Variants in ZNF219 observed in about 807,000 individuals in gnomAD.
The protein encoded by ZNF219 is zinc finger protein 219.
Under a neutral mutation model 54.4 loss-of-function variants are expected in ZNF219, and 17 were observed. The ratio of observed to expected loss-of-function variants is 0.31; its 90% CI spans 0.21 to 0.47. The LOEUF is 0.47. Among genes scored for constraint, ZNF219 ranks in the 20% least tolerant of loss-of-function variants. The pLI, the probability that ZNF219 is intolerant of heterozygous loss-of-function variation, is 1.00. For missense variants in ZNF219, 1,014 were observed against 1,062.3 expected (o/e 0.95, Z 0.63); for synonymous variants, 518 against 476.4 (o/e 1.09, Z -1.14).
chr14:21,100,798 G>A (rs1889585271), upstream of ZNF219, among the ~76,000 whole-genome samples: 2 of 152,136 alleles, frequency 1.3e-5, no homozygotes, highest in South Asian at 2.1e-4. Flanking sequence ...TCTAGGGAAG[G>A]GCACATAATT....
rs764659972 is a variant in ZNF219 at position 21,093,593 on chromosome 14, G to A, written c.-2C>T. 3 of 1,614,100 alleles carry A rather than the reference G, an allele frequency of 1.9e-6. No individual in the cohort carries two copies. In the East Asian group the frequency reaches 6.7e-5, roughly 36 times the overall value. ...AGCCAGAGCTTCACTCACCTCCATG[G>A]ACCCCCTTCACATTCTTTGGTTCTG... On this transcript the variant is annotated 5_prime_UTR_variant, in exon 2 of 5. Transcript: ENST00000360947.
At chr14:21,093,721 A>G (rs1260328824) in intron 1 of ZNF219, 47 bp from the exon 2 acceptor site, 4 of 1,554,474 alleles carry the variant, frequency 2.6e-6, no homozygotes, top group Admixed American at 1.8e-5. Context: ...CCTAGTTTTC[A>G]GCAGTAAAGT....
exon 1 of ZNF219, chr14:21,104,546 C>T (rs1889835925): frequency 6.6e-6 from 1 of 152,264 alleles, no homozygotes. Flanking sequence ...GGCTGTTCGC[C>T]TCACACTCAT....
chr14:21,091,057 G>A lies in ZNF219; in HGVS notation c.1648C>T (p.Arg550Trp), dbSNP rs773461871. ...SLKYHLQRHH[R>W]EQRSGAGPGP... is the part of the protein sequence containing the mutation. ...GGGCCGGCCCCGCTCCTCTGCTCCCGGTGGTGGCGCTGTAGGTGATACTTG... is the reference window on the plus strand; with the variant it reads ...GGGCCGGCCCCGCTCCTCTGCTCCCAGTGGTGGCGCTGTAGGTGATACTTG... Residue 550 changes from arginine to tryptophan, a missense_variant, in exon 5 of 5, where the codon CGG becomes TGG. Physicochemically the swap from Arg to Trp is moderately radical, Grantham distance 101. Around this residue, in one of 5 missense-constraint regions of ZNF219, gnomAD observed 281 missense variants for 271.2 expected, o/e 1.04. Coordinates refer to ENST00000360947, the MANE Select transcript of ZNF219 (RefSeq NM_016423.3). 1.9e-5 allele frequency: 30 copies of A among 1,562,358 alleles called. No individual in the cohort carries two copies. The highest frequency in any genetic ancestry group is 2.4e-5 in the Non-Finnish European group (28 of 1,159,634).
At chr14:21,098,934 A>G, upstream of ZNF219, 1 of 1,064,484 alleles carries the variant, frequency 9.4e-7, no homozygotes, top group East Asian at 7.2e-5. Flanking sequence ...GGGGAGGAGG[A>G]GGGGCGATTA....
At position 21,090,652 on chromosome 14, in the gene ZNF219, G is replaced by A. The variant is rs1267692058; in HGVS notation, c.2053C>T (p.Pro685Ser). The A allele has an allele frequency of 6.2e-7, 1 of 1,612,548 alleles. No individual in the cohort carries two copies. The highest frequency in any genetic ancestry group is 1.1e-5 in the South Asian group (1 of 91,062). Residue 685 changes from proline to serine, a missense_variant, in exon 5 of 5, where the codon CCG becomes TCG. Pro to Ser is a moderately conservative substitution (Grantham distance 74). Transcript: ENST00000360947. The surrounding 1 kb of genome is among the most constrained non-coding windows in gnomAD (Gnocchi z 4.4). ...CCTGATGGTACTCGGGCATAGGGCG[G>A]GGACGCGTCAGCCTGGGGTGGCCGG... ...GRRPPQADAS[P>S]PYARVPSGET...
At chr14:21,102,288 C>A, upstream of ZNF219, 4 of 1,419,728 alleles carry the variant, frequency 2.8e-6, no homozygotes, top group Non-Finnish European at 3.8e-6. Context: ...GGGCTTATGG[C>A]CCTGTTTGGA....
rs1331086266 is a variant in ZNF219 at position 21,098,569 on chromosome 14, G to A, written c.-341C>T. The A allele has an allele frequency of 3.0e-6, 3 of 992,008 alleles. No homozygotes were observed. Among genetic ancestry groups the A allele is most frequent in the Non-Finnish European group, 3.6e-6 (3 of 834,182 alleles). 61.5% of individuals were successfully genotyped at this position (992,008 alleles called of 1,614,324 possible). On this transcript the variant is annotated 5_prime_UTR_variant, in exon 1 of 5. Transcript: ENST00000360947. Reference sequence around the variant, plus strand: ...CGGGGCTGGGAGCCGCGCGGGAGCCGGGCTCTGGCTCCGGGGACAGGGAGC... The same window carrying A: ...CGGGGCTGGGAGCCGCGCGGGAGCCAGGCTCTGGCTCCGGGGACAGGGAGC...
intron 1 of ZNF219, among the ~76,000 whole-genome samples, chr14:21,094,926 T>G (rs1889210548): frequency 1.0e-5 from 1 of 95,292 alleles, no homozygotes; most frequent in Non-Finnish European, 2.2e-5. Flanking sequence ...TTTTTTTTTT[T>G]GTCTAAGAAA....
rs761819179 is a variant in ZNF219, at chr14:21,092,864, C to G, written c.433G>C (p.Ala145Pro). Residue 145 changes from alanine to proline, a missense_variant, in exon 3 of 5, where the codon GCC (alanine) becomes CCC (proline). By Grantham distance (27) the Ala-to-Pro change is conservative. This residue lies in a region of ZNF219 where 395 missense variants were observed against 415.1 expected (regional missense o/e 0.95). Coordinates refer to ENST00000360947, the MANE Select transcript of ZNF219 (RefSeq NM_016423.3). ...GRARSSGGMQ[A>P]TPATEGLARP... ...GCCAGACCCTCAGTGGCAGGGGTGG[C>G]CTGCATGCCCCCTGAGCTTCGGGCT... is the stretch of plus-strand genomic sequence containing the variant. 4 of 1,551,876 alleles carry G rather than the reference C, an allele frequency of 2.6e-6. No individual in the cohort carries two copies. The highest frequency in any genetic ancestry group is 2.7e-5 in the African/African-American group (2 of 73,198).
At position 21,090,961 on chromosome 14, in the gene ZNF219, G is replaced by A. The variant is rs767139613; in HGVS notation, c.1744C>T (p.Pro582Ser). ...SAPQSGAKPSPQPATWVEGAS... is the reference protein window; with the variant it reads ...SAPQSGAKPSSQPATWVEGAS... ...CCCTCCACCCAGGTCGCAGGCTGCG[G>A]AGACGGCTTGGCTCCAGATTGCGGG... is the stretch of plus-strand genomic sequence containing the variant. Residue 582 changes from proline to serine, a missense_variant, in exon 5 of 5, where the codon CCG (proline) becomes TCG (serine). Around this residue, in one of 5 missense-constraint regions of ZNF219, gnomAD observed 281 missense variants for 271.2 expected, o/e 1.04. Coordinates refer to ENST00000360947, the MANE Select transcript of ZNF219 (RefSeq NM_016423.3). This position sits in a 1 kb window ranked among gnomAD's most constrained non-coding sequence, Gnocchi z 4.4. 1 of 1,552,022 alleles carries A rather than the reference G, an allele frequency of 6.4e-7. No homozygotes were observed.
intron 4 of ZNF219, 51 bp downstream of exon 4, chr14:21,091,360 C>T: frequency 1.3e-6 from 2 of 1,565,656 alleles, no homozygotes; most frequent in Middle Eastern, 1.7e-4. Flanking sequence ...TAGCCCTCAC[C>T]TTTCTGCCCG....
intron 1 of ZNF219, among the ~76,000 whole-genome samples, chr14:21,096,315 C>G (rs141774012): frequency 2.0e-5 from 3 of 152,194 alleles, no homozygotes; most frequent in African/African-American, 4.8e-5. Flanking sequence ...AATTCCCCAG[C>G]ACGGAAAGTT....
Position 21,092,096 on chromosome 14 carries a change from C to T in ZNF219, c.1201G>A (p.Gly401Ser), listed in dbSNP as rs750024719. The T allele has an allele frequency of 6.5e-7, 1 of 1,533,568 alleles. No individual in the cohort carries two copies. Among genetic ancestry groups the T allele is most frequent in the Non-Finnish European group, 8.8e-7 (1 of 1,140,878 alleles). 95.0% of individuals were successfully genotyped at this position (1,533,568 alleles called of 1,614,324 possible). Residue 401 changes from glycine to serine, a missense_variant, in exon 3 of 5, where the codon GGC (glycine) becomes AGC (serine). By Grantham distance (56) the Gly-to-Ser change is moderately conservative. Around this residue, in one of 5 missense-constraint regions of ZNF219, gnomAD observed 272 missense variants for 248.9 expected, o/e 1.09. Transcript: ENST00000360947. ...PNGEGAEPGP[G>S]RSFGGFRPLS... The stretch of plus-strand genomic sequence containing the variant: ...GGGCGGAAGCCTCCGAAGCTGCGGC[C>T]GGGACCGGGCTCAGCACCCTCGCCG...
chr14:21,094,726 T>TG (rs10687101), intron 1 of ZNF219, among the ~76,000 whole-genome samples: 710 of 5,894 alleles, frequency 0.12, 181 homozygotes, highest in African/African-American at 0.32. Context: ...GGATAGGGGT[T>TG]GGGGGGGGGG....
chr14:21,097,020 A>G (rs1889309648), intron 1 of ZNF219, among the ~76,000 whole-genome samples: 1 of 152,214 alleles, frequency 6.6e-6, no homozygotes, highest in African/African-American at 2.4e-5. Flanking sequence ...AATTATGATT[A>G]CCACTGCACT....
upstream of ZNF219, among the ~76,000 whole-genome samples, chr14:21,099,548 A>G (rs1206364555): frequency 6.6e-6 from 1 of 152,216 alleles, no homozygotes; most frequent in Non-Finnish European, 1.5e-5. Flanking sequence ...ATGGGGCAGG[A>G]GTGGCTTACA....
chr14:21,090,983 CG>C lies in ZNF219; in HGVS notation c.1721del (p.Pro574ArgfsTer174), dbSNP rs1413077905. 1.9e-6 allele frequency: 3 copies of C among 1,548,624 alleles called. No homozygotes were observed. Among genetic ancestry groups the C allele is most frequent in the Non-Finnish European group, 2.6e-6 (3 of 1,153,942 alleles). ...PPPPSQRGSA[P>X]QSGAKPSPQP... ...GCGGAGACGGCTTGGCTCCAGATTGCGGGGCCGAACCCCGCTGGGAAGGAGG... is the reference window on the plus strand; with the variant it reads ...GCGGAGACGGCTTGGCTCCAGATTGCGGGCCGAACCCCGCTGGGAAGGAGG... On this transcript the variant is annotated frameshift_variant, in exon 5 of 5. Transcript: ENST00000360947. LOFTEE classifies it high-confidence loss of function. The surrounding 1 kb of genome is among the most constrained non-coding windows in gnomAD (Gnocchi z 4.4).
chr14:21,091,159 A>G lies in ZNF219; in HGVS notation c.1565-19T>C. The G allele has an allele frequency of 1.3e-6, 2 of 1,593,678 alleles. No homozygotes were observed. Among genetic ancestry groups the G allele is most frequent in the Non-Finnish European group, 1.7e-6 (2 of 1,175,400 alleles). On this transcript the variant is annotated intron_variant, in intron 4 of 4. Coordinates refer to ENST00000360947, the MANE Select transcript of ZNF219 (RefSeq NM_016423.3). The stretch of plus-strand genomic sequence containing the variant: ...CGCTCGCCTGGGGAGAGTGGGTGCG[A>G]TAGGGTCACGGGGTCACGATGACTG...
Sources: gnomAD v4.1 joint callset for allele counts (sites outside exome capture counted in the v4.1 genomes callset) on GRCh38, gnomAD v4.1.1 for gene constraint, gnomAD v4.1.1 regional missense constraint, Gnocchi (gnomAD v3.1) non-coding constraint, MANE v1.5 for transcripts, NCBI Gene and HGNC (gene_info 2026-07-23, HGNC 2026-07-21) for gene names.